GRM5: variants seen among roughly 807,000 people sequenced by gnomAD.
GRM5 encodes metabotropic glutamate receptor 5.
GRM5 carries 19 observed loss-of-function variants against 83.1 expected under a neutral mutation model. That is an observed-to-expected ratio of 0.23 (90% CI 0.16 to 0.34). The LOEUF (loss-of-function observed/expected upper bound fraction) is 0.34. GRM5 is among the 10% of genes least tolerant of loss of function. The probability of loss-of-function intolerance (pLI) is 1.00; values close to 1 mark genes in which losing one functional copy is unlikely to be tolerated. For synonymous variants in GRM5, 675 were observed against 633.6 expected (o/e 1.07, Z -0.98); for missense variants, 1,160 against 1,588.3 (o/e 0.73, Z 4.58).
intron 3 of GRM5, among the ~76,000 whole-genome samples, chr11:88,824,376 G>A (rs758041219): frequency 1.3e-4 from 20 of 152,170 alleles, no homozygotes; most frequent in Non-Finnish European, 2.6e-4. Flanking sequence ...CCTTGGAATC[G>A]CTATATGAAT....
intron 4 of GRM5, among the ~76,000 whole-genome samples, chr11:88,636,395 C>T (rs1246548340): frequency 6.6e-6 from 1 of 151,864 alleles, no homozygotes; most frequent in Non-Finnish European, 1.5e-5. Flanking sequence ...TCCTGTAATC[C>T]CAGATACTCA....
At chr11:88,892,663 C>A (rs894664262) in intron 2 of GRM5, among the ~76,000 whole-genome samples, 1 of 152,038 alleles carries the variant, frequency 6.6e-6, no homozygotes, top group Admixed American at 6.6e-5. Flanking sequence ...CAAAGCTTAT[C>A]ATACATTTGT....
intron 3 of GRM5, among the ~76,000 whole-genome samples, chr11:88,777,278 C>T (rs1942876416): frequency 6.6e-6 from 1 of 152,186 alleles, no homozygotes; most frequent in Non-Finnish European, 1.5e-5. Flanking sequence ...CCATGGTTTC[C>T]AGCTCCATCA....
At chr11:88,871,190 G>A (rs765810283) in intron 2 of GRM5, among the ~76,000 whole-genome samples, 1 of 151,630 alleles carries the variant, frequency 6.6e-6, no homozygotes, top group Non-Finnish European at 1.5e-5. Context: ...CAGTGAGACT[G>A]GAATGAAATA....
intron 2 of GRM5, among the ~76,000 whole-genome samples, chr11:89,026,397 T>C (rs1349994523): frequency 1.3e-5 from 2 of 152,174 alleles, no homozygotes; most frequent in African/African-American, 4.8e-5. Flanking sequence ...ATGAGTAGAA[T>C]TGAGGGTCAG....
chr11:89,017,961 T>C (rs1467544890), intron 2 of GRM5, among the ~76,000 whole-genome samples: 1 of 152,052 alleles, frequency 6.6e-6, no homozygotes. Flanking sequence ...CTCCTACTCT[T>C]TCAGTTATAT....
intron 4 of GRM5, among the ~76,000 whole-genome samples, chr11:88,640,159 T>C (rs1939249789): frequency 6.6e-6 from 1 of 152,200 alleles, no homozygotes; most frequent in Non-Finnish European, 1.5e-5. Context: ...AGAATGGGTA[T>C]TAAGCCAATA....
At chr11:88,975,809 A>G (rs534848441) in intron 2 of GRM5, among the ~76,000 whole-genome samples, 13 of 152,238 alleles carry the variant, frequency 8.5e-5, no homozygotes, top group Non-Finnish European at 5.9e-5. Context: ...ACTATGAGGT[A>G]AAAAATTAGG....
At chr11:88,988,589 A>C (rs1250714511) in intron 2 of GRM5, among the ~76,000 whole-genome samples, 1 of 150,876 alleles carries the variant, frequency 6.6e-6, no homozygotes, top group Non-Finnish European at 1.5e-5. Flanking sequence ...TGAAGGAAAA[A>C]ATGTTAAGGG....
intron 3 of GRM5, among the ~76,000 whole-genome samples, chr11:88,836,408 T>C (rs559645309): frequency 6.6e-6 from 1 of 152,340 alleles, no homozygotes; most frequent in African/African-American, 2.4e-5. Context: ...AATAGAAATA[T>C]ACATATGTAT....
chr11:89,065,145 G>T (rs1942074218), intron 1 of GRM5, among the ~76,000 whole-genome samples: 1 of 151,598 alleles, frequency 6.6e-6, no homozygotes, highest in Admixed American at 6.6e-5. Flanking sequence ...TTTACACCCA[G>T]TCGGGTCCCT....
Position 88,509,124 on chromosome 11 carries a change from T to C in GRM5, c.3107A>G (p.Asp1036Gly). The change falls in exon 10 of 10, where the codon GAC becomes GGC. Residue 1036 changes from aspartate (D) to glycine (G), a missense_variant. By Grantham distance (94) the Asp-to-Gly change is moderately conservative. Transcript: ENST00000305447. ...SHRAGSASRT[D>G]DDVPSLHSEP... ...CGAGTGCAGCGACGGCACATCGTCGTCCGTGCGGCTGGCCGAGCCCGCGCG... is the reference window on the plus strand; with the variant it reads ...CGAGTGCAGCGACGGCACATCGTCGCCCGTGCGGCTGGCCGAGCCCGCGCG... 6.5e-7 allele frequency: 1 copy of C among 1,544,014 alleles called. No individual in the cohort carries two copies. The highest frequency in any genetic ancestry group is 8.7e-7 in the Non-Finnish European group (1 of 1,145,214).
intron 1 of GRM5, among the ~76,000 whole-genome samples, chr11:89,060,728 G>A (rs1267995927): frequency 6.6e-6 from 1 of 152,040 alleles, no homozygotes; most frequent in Non-Finnish European, 1.5e-5. Context: ...GGAAATGAAA[G>A]CAAACCTATG....
At chr11:89,031,553 CA>C (rs1941263663) in intron 2 of GRM5, among the ~76,000 whole-genome samples, 1 of 151,654 alleles carries the variant, frequency 6.6e-6, no homozygotes, top group Non-Finnish European at 1.5e-5. Flanking sequence ...GTATGAATAA[CA>C]AGAGAAAATG....
chr11:88,694,751 G>A (rs1940861659), intron 3 of GRM5, among the ~76,000 whole-genome samples: 1 of 152,088 alleles, frequency 6.6e-6, no homozygotes, highest in South Asian at 2.1e-4. Context: ...TGTTATGGGT[G>A]TTTTTCTTTT....
intron 3 of GRM5, among the ~76,000 whole-genome samples, chr11:88,710,498 G>GTC (rs1209410522): frequency 2.0e-5 from 3 of 152,004 alleles, no homozygotes; most frequent in African/African-American, 7.2e-5. Flanking sequence ...TTTTAAGCAA[G>GTC]TCACTTAAGT....
chr11:88,885,153 C>T (rs1435444754), intron 2 of GRM5, among the ~76,000 whole-genome samples: 1 of 151,458 alleles, frequency 6.6e-6, no homozygotes, highest in Non-Finnish European at 1.5e-5. Flanking sequence ...TTGTTTTATC[C>T]TATTTTTTAG....
intron 3 of GRM5, among the ~76,000 whole-genome samples, chr11:88,760,421 T>C (rs537938619): frequency 6.6e-6 from 1 of 152,106 alleles, no homozygotes; most frequent in African/African-American, 2.4e-5. Context: ...CCAGAAAATA[T>C]TGTGAATGCC....
intron 1 of GRM5, among the ~76,000 whole-genome samples, chr11:89,052,868 C>G (rs1941789976): frequency 6.6e-6 from 1 of 152,088 alleles, no homozygotes; most frequent in Admixed American, 6.6e-5. Flanking sequence ...GATGTTTGAA[C>G]TGTATTATTT....
Sources: allele counts gnomAD v4.1 joint callset (sites outside exome capture counted in the v4.1 genomes callset), GRCh38; gene constraint gnomAD v4.1.1; transcripts MANE v1.5; gene names NCBI Gene and HGNC (gene_info 2026-07-23, HGNC 2026-07-21).